SCFD1: variants seen among roughly 807,000 people sequenced by gnomAD.
SCFD1 encodes the protein sec1 family domain-containing protein 1.
Under a neutral mutation model 103.2 loss-of-function variants are expected in SCFD1, and 37 were observed. The observed-to-expected ratio is 0.36, with a 90% confidence interval of 0.28 to 0.47. SCFD1 has a LOEUF of 0.47. Ranked by LOEUF, SCFD1 falls within the 20% of genes least tolerant of loss-of-function variation. SCFD1 has a pLI of 1.00. For synonymous variants in SCFD1, 264 were observed against 245.0 expected (o/e 1.08, Z -0.73); for missense variants, 639 against 761.2 (o/e 0.84, Z 1.89).
intron 19 of SCFD1, among the ~76,000 whole-genome samples, chr14:30,713,840 T>G (rs868339061): frequency 3.3e-4 from 51 of 152,304 alleles, no homozygotes; most frequent in Admixed American, 9.2e-4. Context: ...TCCAGAATTT[T>G]TTAATTATTT....
At position 30,670,377 on chromosome 14, in the gene SCFD1, G is replaced by T; in HGVS notation, c.977G>T (p.Trp326Leu). The T allele has an allele frequency of 6.4e-7, 1 of 1,556,538 alleles. No individual in the cohort carries two copies. Among genetic ancestry groups the T allele is most frequent in the South Asian group, 1.2e-5 (1 of 80,600 alleles). Residue 326 changes from tryptophan to leucine, a missense_variant, in exon 11 of 25, where the codon TGG (tryptophan) becomes TTG (leucine). Trp to Leu is a moderately conservative substitution (Grantham distance 61, BLOSUM62 -2). Coordinates refer to ENST00000458591, the MANE Select transcript of SCFD1 (RefSeq NM_016106.4). Reference sequence around the variant, plus strand: ...GATTTAACTCCGGTTGATAAATTTTGGCAAAAACATAAAGGAAGGTAAGCA... The same window carrying T: ...GATTTAACTCCGGTTGATAAATTTTTGCAAAAACATAAAGGAAGGTAAGCA... ...SYDLTPVDKFWQKHKGSPFPE... is the reference protein window; with the variant it reads ...SYDLTPVDKFLQKHKGSPFPE...
At chr14:30,647,345 T>C (rs775606739) in intron 7 of SCFD1, among the ~76,000 whole-genome samples, 28 of 152,100 alleles carry the variant, frequency 1.8e-4, no homozygotes, top group African/African-American at 2.4e-5. Context: ...ATTGTATGGC[T>C]CCCTCCTTTC....
In SCFD1 at chr14:30,719,330, T is replaced by A. The variant is rs1192564538; in HGVS notation, c.1689T>A (p.Thr563=). Reference sequence around the variant, plus strand: ...AGTTCTATTTTTTTTAATAGGAAACTGATGACTATAGATATTTTGATCCCA... The same window carrying A: ...AGTTCTATTTTTTTTAATAGGAAACAGATGACTATAGATATTTTGATCCCA... ...NLMEMKSNPE[T]DDYRYFDPKM... Residue 563 remains threonine (T), a synonymous_variant, in exon 21 of 25, where the codon ACT becomes ACA. Transcript: ENST00000458591. The A allele has an allele frequency of 6.3e-7, 1 of 1,599,128 alleles. No homozygotes were observed. Among genetic ancestry groups the A allele is most frequent in the Non-Finnish European group, 8.5e-7 (1 of 1,171,408 alleles).
chr14:30,720,454 C>T (rs935918170), intron 21 of SCFD1, among the ~76,000 whole-genome samples: 1 of 152,158 alleles, frequency 6.6e-6, no homozygotes, highest in Non-Finnish European at 1.5e-5. Flanking sequence ...CTCCAGCTTA[C>T]ATTTTTTCCT....
intron 10 of SCFD1, among the ~76,000 whole-genome samples, chr14:30,654,741 A>G (rs912813042): frequency 7.9e-5 from 12 of 152,084 alleles, no homozygotes; most frequent in Non-Finnish European, 1.8e-4. Context: ...TAAAACCTGG[A>G]TATTGGCTCT....
chr14:30,725,597 G>T (rs546559050), intron 23 of SCFD1, among the ~76,000 whole-genome samples: 1 of 152,220 alleles, frequency 6.6e-6, no homozygotes, highest in African/African-American at 2.4e-5. Flanking sequence ...GAGACTGTGT[G>T]GGCTTTTCTA....
At chr14:30,698,641 C>T (rs547249347) in intron 15 of SCFD1, among the ~76,000 whole-genome samples, 1 of 152,188 alleles carries the variant, frequency 6.6e-6, no homozygotes, top group South Asian at 2.1e-4. Context: ...ACTCTTTTGC[C>T]CTTTGTCCTC....
chr14:30,711,480 G>A (rs1350974231), intron 19 of SCFD1, among the ~76,000 whole-genome samples: 1 of 152,226 alleles, frequency 6.6e-6, no homozygotes, highest in African/African-American at 2.4e-5. Flanking sequence ...TGGGCATGGT[G>A]GCACATGCTT....
At chr14:30,643,850 AT>A (rs1229382595) in intron 7 of SCFD1, 77 of 425,494 alleles carry the variant, frequency 1.8e-4, no homozygotes, top group Middle Eastern at 8.9e-4. Flanking sequence ...TTTATTTTTA[AT>A]TTTTTTTTAT....
At chr14:30,727,825 A>G (rs1276261479) in intron 23 of SCFD1, among the ~76,000 whole-genome samples, 1 of 152,102 alleles carries the variant, frequency 6.6e-6, no homozygotes, top group Non-Finnish European at 1.5e-5. Context: ...CCCTTTGTCC[A>G]TTCCCAGTCA....
chr14:30,650,546 C>T lies in SCFD1; in HGVS notation c.670-19C>T, dbSNP rs1886303599. 6.9e-7 allele frequency: 1 copy of T among 1,451,108 alleles called. No individual in the cohort carries two copies. Among genetic ancestry groups the T allele is most frequent in the Non-Finnish European group, 9.7e-7 (1 of 1,034,406 alleles). 89.9% of individuals were successfully genotyped at this position (1,451,108 alleles called of 1,614,324 possible). A position where few individuals can be genotyped will look rare whatever the true frequency, so the allele number is the denominator to read the frequency against. On this transcript the variant is annotated intron_variant, in intron 8 of 24. Coordinates refer to ENST00000458591, the MANE Select transcript of SCFD1 (RefSeq NM_016106.4). ...TTATATGAAACTGTTAAGAGTTAAT[C>T]TAAAATTTTATTTTTCAGAAACTAG...
chr14:30,684,008 A>G (rs1889716509), intron 14 of SCFD1, among the ~76,000 whole-genome samples: 1 of 152,218 alleles, frequency 6.6e-6, no homozygotes, highest in Non-Finnish European at 1.5e-5. Flanking sequence ...GAGTTCCAGA[A>G]CAGTAGTGTC....
intron 11 of SCFD1, among the ~76,000 whole-genome samples, chr14:30,671,089 A>G (rs1319403866): frequency 6.6e-6 from 1 of 152,150 alleles, no homozygotes; most frequent in Non-Finnish European, 1.5e-5. Context: ...AAATATTTCA[A>G]AATGTGTGTG....
At chr14:30,728,888 A>G (rs1893246402) in intron 23 of SCFD1, among the ~76,000 whole-genome samples, 1 of 128,864 alleles carries the variant, frequency 7.8e-6, no homozygotes. Flanking sequence ...TCTGTCACCC[A>G]GGCTGGAGTG....
intron 3 of SCFD1, among the ~76,000 whole-genome samples, chr14:30,632,279 G>T (rs1884252890): frequency 6.6e-6 from 1 of 151,992 alleles, no homozygotes; most frequent in Non-Finnish European, 1.5e-5. Context: ...ACAGAATCTG[G>T]TTTAATCAGC....
chr14:30,696,885 A>G (rs1312814657), intron 15 of SCFD1, among the ~76,000 whole-genome samples: 1 of 152,234 alleles, frequency 6.6e-6, no homozygotes, highest in Non-Finnish European at 1.5e-5. Context: ...GGCTAAATAA[A>G]TATATTGGAT....
intron 10 of SCFD1, among the ~76,000 whole-genome samples, chr14:30,661,196 C>T (rs186238440): frequency 3.3e-5 from 5 of 152,252 alleles, no homozygotes; most frequent in African/African-American, 7.2e-5. Context: ...AATTTGAAAG[C>T]ATCAATGGAA....
chr14:30,717,230 C>T (rs748083246), intron 20 of SCFD1, among the ~76,000 whole-genome samples: 2 of 152,196 alleles, frequency 1.3e-5, no homozygotes, highest in African/African-American at 4.8e-5. Flanking sequence ...AATCCCAGCA[C>T]TTTAGGTGGC....
intron 3 of SCFD1, 192 bp downstream of exon 3, chr14:30,630,757 C>A (rs911533269): frequency 3.4e-5 from 17 of 503,040 alleles, no homozygotes; most frequent in African/African-American, 3.2e-4. Context: ...AAATTTTCTG[C>A]CTTGTGGCTT....
Sources: allele counts gnomAD v4.1 joint callset (sites outside exome capture counted in the v4.1 genomes callset), GRCh38; gene constraint gnomAD v4.1.1; transcripts MANE v1.5; gene names NCBI Gene and HGNC (gene_info 2026-07-23, HGNC 2026-07-21).